The following MYO1H variants were observed in gnomAD, a reference collection of about 807,000 sequenced individuals.
MYO1H encodes the protein myosin IH, also known as unconventional myosin-Ih.
Under a neutral mutation model 149.3 loss-of-function variants are expected in MYO1H, and 118 were observed. The observed-to-expected ratio is 0.79, with a 90% CI of 0.68 to 0.92. MYO1H has a LOEUF of 0.92. Among genes scored for constraint, MYO1H ranks in the 40% least tolerant of loss-of-function variants. The pLI is 0.00. For missense variants in MYO1H, 1,212 were observed against 1,280.7 expected (o/e 0.95, Z 0.82); for synonymous variants, 447 against 465.2 (o/e 0.96, Z 0.50).
At chr12:109,365,125 A>G (rs976436107) in intron 1 of MYO1H, among the ~76,000 whole-genome samples, 4 of 152,046 alleles carry the variant, frequency 2.6e-5, no homozygotes, top group African/African-American at 7.2e-5. Context: ...TAAAAACAAG[A>G]CTTAGCTTGA....
At chr12:109,339,638 A>C in the MYO1H span, among the ~76,000 whole-genome samples, 6 of 152,248 alleles carry the variant, frequency 3.9e-5, no homozygotes, top group Admixed American at 2.6e-4. Context: ...GAGCTCTTGC[A>C]AATAAATTAG....
chr12:109,335,236 G>A, the MYO1H span, among the ~76,000 whole-genome samples: 1 of 152,056 alleles, frequency 6.6e-6, no homozygotes, highest in African/African-American at 2.4e-5. Context: ...ATGTTTCTGG[G>A]GAGGCCTCAG....
chr12:109,330,593 A>G, the MYO1H span, among the ~76,000 whole-genome samples: 43 of 152,106 alleles, frequency 2.8e-4, 1 homozygote, highest in African/African-American at 1.0e-3. Flanking sequence ...CCCTGTCCCA[A>G]TTCGTATATC....
chr12:109,364,390 G>A (rs1196119164), intron 1 of MYO1H, among the ~76,000 whole-genome samples: 4 of 151,976 alleles, frequency 2.6e-5, no homozygotes, highest in African/African-American at 4.8e-5. Flanking sequence ...GTGTGGTGGC[G>A]TGAACACTGC....
intron 4 of MYO1H, 42 bp from the exon 5 acceptor site, chr12:109,397,690 T>C: frequency 6.5e-7 from 1 of 1,527,668 alleles, no homozygotes; most frequent in Non-Finnish European, 9.0e-7. Flanking sequence ...TTGATACGCA[T>C]GGTGAGCTTA....
upstream of MYO1H, among the ~76,000 whole-genome samples, chr12:109,343,055 T>TA (rs1325067009): frequency 2.0e-5 from 3 of 151,906 alleles, no homozygotes; most frequent in Admixed American, 2.0e-4. Context: ...CCCATCTCTT[T>TA]AAAAAATAAT....
chr12:109,314,744 G>A, the MYO1H span, among the ~76,000 whole-genome samples: 6 of 152,170 alleles, frequency 3.9e-5, no homozygotes, highest in African/African-American at 1.4e-4. Flanking sequence ...CAACAGCTAT[G>A]TTTCCAGGTG....
chr12:109,399,765 A>C (rs542822261), intron 5 of MYO1H, among the ~76,000 whole-genome samples: 1 of 152,066 alleles, frequency 6.6e-6, no homozygotes, highest in African/African-American at 2.4e-5. Flanking sequence ...ACAAAAACAA[A>C]ATAGTAAGGC....
intron 20 of MYO1H, among the ~76,000 whole-genome samples, chr12:109,434,182 G>A (rs139863617): frequency 0.054 from 8,264 of 152,122 alleles, 291 homozygotes; most frequent in East Asian, 0.08. Flanking sequence ...GCTAATTTTT[G>A]TATTTTTAGT....
intron 1 of MYO1H, among the ~76,000 whole-genome samples, chr12:109,364,454 C>T (rs80300026): frequency 0.025 from 3,815 of 152,134 alleles, 61 homozygotes; most frequent in Middle Eastern, 0.054. Context: ...GTCCCCAGTA[C>T]CTGGGACTAC....
At chr12:109,393,543 C>CCAACCATT (rs1175489143) in intron 3 of MYO1H, 97 bp downstream of exon 3, 231,569 of 515,752 alleles carry the variant, frequency 0.45, 51,557 homozygotes, top group African/African-American at 0.64. Context: ...ATCCATTCAT[C>CCAACCATT]CATCCATCCA....
chr12:109,325,612 C>CA, the MYO1H span, among the ~76,000 whole-genome samples: 11 of 151,858 alleles, frequency 7.2e-5, no homozygotes, highest in African/African-American at 1.2e-4. Flanking sequence ...TTTTGCACAG[C>CA]AAAAAAAGCT....
chr12:109,341,201 A>AT, the MYO1H span, among the ~76,000 whole-genome samples: 43 of 147,472 alleles, frequency 2.9e-4, no homozygotes, highest in African/African-American at 1.1e-3. Flanking sequence ...AAAAAAAAAA[A>AT]AAAAAGCCAG....
intron 20 of MYO1H, 124 bp from the exon 21 acceptor site, chr12:109,434,913 T>G (rs1442511408): frequency 1.6e-6 from 1 of 620,914 alleles, no homozygotes; most frequent in East Asian, 2.8e-5. Flanking sequence ...CTGCAAACAC[T>G]ATTTCCAAAT....
chr12:109,312,481 C>T, the MYO1H span, among the ~76,000 whole-genome samples: 4 of 152,092 alleles, frequency 2.6e-5, no homozygotes, highest in South Asian at 8.3e-4. Flanking sequence ...GTGATCTGCC[C>T]GCCTCAGTCT....
chr12:109,321,230 G>C, the MYO1H span, among the ~76,000 whole-genome samples: 1 of 152,082 alleles, frequency 6.6e-6, no homozygotes, highest in Non-Finnish European at 1.5e-5. Context: ...AAACCAGCCA[G>C]GGATTCTGCT....
intron 19 of MYO1H, among the ~76,000 whole-genome samples, chr12:109,428,804 C>T (rs888740399): frequency 1.6e-5 from 2 of 126,122 alleles, no homozygotes; most frequent in African/African-American, 2.8e-5. Flanking sequence ...ACCTCACCCC[C>T]CTCCAAACAT....
chr12:109,330,781 T>C, the MYO1H span, among the ~76,000 whole-genome samples: 112 of 152,316 alleles, frequency 7.4e-4, no homozygotes, highest in South Asian at 0.019. Flanking sequence ...TGAAATTGCA[T>C]TGTGGGATTT....
At chr12:109,447,054 C>A in intron 31 of MYO1H, 105 bp from the exon 32 acceptor site, 1 of 1,188,416 alleles carries the variant, frequency 8.4e-7, no homozygotes, top group Non-Finnish European at 1.2e-6. Flanking sequence ...TCTCACAGGC[C>A]CTCCACACCC....
Sources: allele counts gnomAD v4.1 joint callset (sites outside exome capture counted in the v4.1 genomes callset), GRCh38; gene constraint gnomAD v4.1.1; transcripts MANE v1.5; gene names NCBI Gene and HGNC (gene_info 2026-07-23, HGNC 2026-07-21).